The following GCSAM variants were observed in gnomAD, a reference collection of about 807,000 sequenced individuals.
GCSAM encodes germinal center-associated signaling and motility protein.
A neutral mutation model predicts 17.6 loss-of-function variants in GCSAM; 8 were observed. That is an observed-to-expected ratio of 0.46 (90% CI 0.27 to 0.82). The LOEUF is 0.82. Among genes scored for constraint, GCSAM ranks in the 40% least tolerant of loss-of-function variants. The probability of loss-of-function intolerance (pLI) is 0.15; values close to 1 mark genes in which losing one functional copy is unlikely to be tolerated. For synonymous variants in GCSAM, 68 were observed against 69.0 expected (o/e 0.98, Z 0.07); for missense variants, 192 against 213.5 (o/e 0.90, Z 0.63).
Position 112,122,652 on chromosome 3 carries a change from A to C in GCSAM, c.*803T>G, listed in dbSNP as rs1056800879. ...CTATTTAGCATACTGGGGGAGCACT[A>C]AATTGGAAGTCAGTAGGAAATCAGG... On this transcript the variant is annotated 3_prime_UTR_variant, in exon 6 of 6. Coordinates refer to ENST00000308910, the MANE Select transcript of GCSAM (RefSeq NM_152785.5). The C allele has an allele frequency of 6.6e-6, 1 of 152,162 alleles. No individual in the cohort carries two copies. The highest frequency in any genetic ancestry group is 1.5e-5 in the Non-Finnish European group (1 of 68,028). The allele number at this position is 152,162 out of a possible 1,614,324, so 9.4% of individuals were successfully genotyped here.
rs558114039 is a variant in GCSAM at position 112,127,047 on chromosome 3, G to A, written c.144-14C>T. The A allele has an allele frequency of 2.6e-4, 401 of 1,545,062 alleles. 4 individuals are homozygous for A. The South Asian group carries it at 4.5e-3, about 17-fold the overall frequency. On this transcript the variant is annotated splice_polypyrimidine_tract_variant and intron_variant, in intron 3 of 5. Transcript: ENST00000308910. ...AGTATTTTTTTCCTGTAAAAGAAAA[G>A]CAAAGCAAATTGTTTTAATATTCAG...
At position 112,123,250 on chromosome 3, in the gene GCSAM, G is replaced by T. The variant is rs1007318282; in HGVS notation, c.*205C>A. On this transcript the variant is annotated 3_prime_UTR_variant, in exon 6 of 6. Coordinates refer to ENST00000308910, the MANE Select transcript of GCSAM (RefSeq NM_152785.5). ...AAGATGGTTACCTCTTTCTCAAATG[G>T]TGTTGTTCAGGATAAATGGTTGATC... 1 of 902,652 alleles carries T rather than the reference G, an allele frequency of 1.1e-6. No homozygotes were observed. The highest frequency in any genetic ancestry group is 1.6e-6 in the Non-Finnish European group (1 of 617,648). The allele number at this position is 902,652 out of a possible 1,614,324, so 55.9% of individuals were successfully genotyped here. A position where few individuals can be genotyped will look rare whatever the true frequency, so the allele number is the denominator to read the frequency against.
chr3:112,130,248 C>T (rs1055175139), intron 2 of GCSAM, 197 bp downstream of exon 2: 1 of 598,482 alleles, frequency 1.7e-6, no homozygotes, highest in African/African-American at 1.8e-5. Flanking sequence ...TTACATTAGG[C>T]TTCTAGCAAA....
rs1303829223 is a variant in GCSAM, at chr3:112,125,201, A to G, written c.219+25T>C. 2.0e-6 allele frequency: 3 copies of G among 1,500,356 alleles called. No individual in the cohort carries two copies. In the East Asian group the frequency reaches 6.8e-5, roughly 34 times the overall value. The allele number at this position is 1,500,356 out of a possible 1,614,324, so 92.9% of individuals were successfully genotyped here. Reference sequence around the variant, plus strand: ...CTGTACTTCTATCATCATCTCAAAAAATAGCTTAGAGATGTTCTTATTACC... The same window carrying G: ...CTGTACTTCTATCATCATCTCAAAAGATAGCTTAGAGATGTTCTTATTACC... On this transcript the variant is annotated intron_variant, in intron 5 of 5. Transcript: ENST00000308910.
In GCSAM at chr3:112,127,868, A is replaced by T. The variant is rs538586565; in HGVS notation, c.143+149T>A. On this transcript the variant is annotated intron_variant, in intron 3 of 5. Transcript: ENST00000308910. ...TCCTGTTTCTCATCAAATTGGAAGGATTGCTTCCCTGATTAACTCTTAGGT... is the reference window on the plus strand; with the variant it reads ...TCCTGTTTCTCATCAAATTGGAAGGTTTGCTTCCCTGATTAACTCTTAGGT... 4 of 652,286 alleles carry T rather than the reference A, an allele frequency of 6.1e-6. No individual in the cohort carries two copies. In the South Asian group the frequency reaches 7.5e-5, roughly 12 times the overall value. The allele number at this position is 652,286 out of a possible 1,614,324, so 40.4% of individuals were successfully genotyped here. A position where few individuals can be genotyped will look rare whatever the true frequency, so the allele number is the denominator to read the frequency against.
chr3:112,124,728 G>A (rs535148998), intron 5 of GCSAM, among the ~76,000 whole-genome samples: 1 of 152,282 alleles, frequency 6.6e-6, no homozygotes, highest in African/African-American at 2.4e-5. Flanking sequence ...TCAAGGGAAG[G>A]TTTCACTTAT....
In GCSAM at chr3:112,127,020, T is replaced by C. The variant is rs780253672; in HGVS notation, c.157A>G (p.Ile53Val). The C allele has an allele frequency of 6.3e-7, 1 of 1,586,694 alleles. No homozygotes were observed. Among genetic ancestry groups the C allele is most frequent in the African/African-American group, 1.3e-5 (1 of 74,376 alleles). ...TGGGAATCTTGCCTCTTTTCAAAAA[T>C]GAGTATTTTTTTCCTGTAAAAGAAA... The part of the protein sequence containing the change: ...CFCLPWKKIL[I>V]FEKRQDSQNE... Residue 53 changes from isoleucine to valine, a missense_variant, in exon 4 of 6, where the codon ATT (isoleucine) becomes GTT (valine). Coordinates refer to ENST00000308910, the MANE Select transcript of GCSAM (RefSeq NM_152785.5).
chr3:112,127,075 A>G lies in GCSAM; in HGVS notation c.144-42T>C, dbSNP rs770497022. 3.1e-6 allele frequency: 4 copies of G among 1,299,554 alleles called. No homozygotes were observed. In the South Asian group the frequency reaches 3.7e-5, roughly 12 times the overall value. 80.5% of individuals were successfully genotyped at this position (1,299,554 alleles called of 1,614,324 possible). A position where few individuals can be genotyped will look rare whatever the true frequency, so the allele number is the denominator to read the frequency against. ...AAGCAAATTGTTTTAATATTCAGAA[A>G]CTCTCAAAGGAAATGACACAAGCCT... On this transcript the variant is annotated intron_variant, in intron 3 of 5. Transcript: ENST00000308910.
chr3:112,128,583 G>T (rs2074382644), intron 2 of GCSAM: 1 of 228,608 alleles, frequency 4.4e-6, no homozygotes, highest in Non-Finnish European at 8.8e-6. Context: ...TGTATTTCCA[G>T]TCTATGACAC....
At position 112,123,387 on chromosome 3, in the gene GCSAM, C is replaced by T. The variant is rs1301852651; in HGVS notation, c.*68G>A. On this transcript the variant is annotated 3_prime_UTR_variant, in exon 6 of 6. Transcript: ENST00000308910. ...GGAGGGACTTTGTGTCCCATCCCTG[C>T]TTCAGGCAGATCCCCCATCCCACCT... 5.1e-6 allele frequency: 8 copies of T among 1,567,318 alleles called. No individual in the cohort carries two copies. The highest frequency in any genetic ancestry group is 1.4e-5 in the African/African-American group (1 of 73,902).
In GCSAM at chr3:112,123,307, C is replaced by T; in HGVS notation, c.*148G>A. ...TTTTGGCTTTTGCGTGCTAAGAGGG[C>T]TTGTGGTATACAAACCATGCTCTGC... is the stretch of plus-strand genomic sequence containing the variant. On this transcript the variant is annotated 3_prime_UTR_variant, in exon 6 of 6. Transcript: ENST00000308910. 6 of 1,418,592 alleles carry T rather than the reference C, an allele frequency of 4.2e-6. No individual in the cohort carries two copies. The highest frequency in any genetic ancestry group is 5.6e-6 in the Non-Finnish European group (6 of 1,073,244). 87.9% of individuals were successfully genotyped at this position (1,418,592 alleles called of 1,614,324 possible).
rs779303098 is a variant in GCSAM, at chr3:112,128,042, C to T, written c.118G>A (p.Ala40Thr). ...CATGGAAGGCAGAAACACCCTTCAG[C>T]GATATGGTGATCCCAGCATCTAAAA... Reference protein sequence around the residue: ...RTSRCWDHHIAEGCFCLPWKK... With the variant: ...RTSRCWDHHITEGCFCLPWKK... Residue 40 changes from alanine (A) to threonine (T), a missense_variant, in exon 3 of 6, where the codon GCT (alanine) becomes ACT (threonine). Physicochemically the swap from Ala to Thr is moderately conservative, Grantham distance 58 (BLOSUM62 0). Transcript: ENST00000308910. 29 of 1,613,614 alleles carry T rather than the reference C, an allele frequency of 1.8e-5. No individual in the cohort carries two copies. The highest frequency in any genetic ancestry group is 4.5e-5 in the East Asian group (2 of 44,842).
At chr3:112,124,496 C>G (rs1009734911) in intron 5 of GCSAM, among the ~76,000 whole-genome samples, 3 of 152,126 alleles carry the variant, frequency 2.0e-5, no homozygotes, top group African/African-American at 7.2e-5. Flanking sequence ...GCAATCCCAG[C>G]TACTGGGGAG....
intron 2 of GCSAM, 179 bp downstream of exon 2, chr3:112,130,266 A>C: frequency 1.6e-6 from 1 of 617,510 alleles, no homozygotes; most frequent in Non-Finnish European, 2.9e-6. Flanking sequence ...AAAGTAGCAT[A>C]TCTCCTGTCC....
At position 112,123,775 on chromosome 3, in the gene GCSAM, G is replaced by C; in HGVS notation, c.220-3C>G. 1.9e-6 allele frequency: 3 copies of C among 1,603,636 alleles called. No individual in the cohort carries two copies. Among genetic ancestry groups the C allele is most frequent in the Non-Finnish European group, 2.6e-6 (3 of 1,173,518 alleles). On this transcript the variant is annotated splice_region_variant and splice_polypyrimidine_tract_variant and intron_variant, in intron 5 of 5. Transcript: ENST00000308910. ...GAGTAGGTCTGGTCAACATTGTCCTGCTTGTCAAAGAAGAACCATCATCAA... is the reference window on the plus strand; with the variant it reads ...GAGTAGGTCTGGTCAACATTGTCCTCCTTGTCAAAGAAGAACCATCATCAA...
At chr3:112,132,605 G>A (rs2074483845) in intron 1 of GCSAM, 2 of 972,330 alleles carry the variant, frequency 2.1e-6, no homozygotes, top group Non-Finnish European at 2.4e-6. Flanking sequence ...TCTGAGTTCT[G>A]TGCCTATTTA....
Position 112,123,050 on chromosome 3 carries a change from C to T in GCSAM, c.*405G>A, listed in dbSNP as rs1455834094. The T allele has an allele frequency of 4.8e-6, 1 of 208,710 alleles. No individual in the cohort carries two copies. The allele number at this position is 208,710 out of a possible 1,614,324, so 12.9% of individuals were successfully genotyped here. The stretch of plus-strand genomic sequence containing the variant: ...AGGTCACAGTAATGAGTGAACTCCC[C>T]CTTGGGCACACTTAGTATGATGAGT... On this transcript the variant is annotated 3_prime_UTR_variant, in exon 6 of 6. Transcript: ENST00000308910.
At position 112,121,736 on chromosome 3, in the gene GCSAM, C is replaced by G. The variant is rs2074204431; in HGVS notation, c.*1719G>C. 1 of 152,202 alleles carries G rather than the reference C, an allele frequency of 6.6e-6. No individual in the cohort carries two copies. The highest frequency in any genetic ancestry group is 2.1e-4 in the South Asian group (1 of 4,826). The allele number at this position is 152,202 out of a possible 1,614,324, so 9.4% of individuals were successfully genotyped here. ...TACCAAGATGCAGCTGGCTCTTTAGCTGAAGACCATCACCTGGCTGAAGGC... is the reference window on the plus strand; with the variant it reads ...TACCAAGATGCAGCTGGCTCTTTAGGTGAAGACCATCACCTGGCTGAAGGC... On this transcript the variant is annotated 3_prime_UTR_variant, in exon 6 of 6. Coordinates refer to ENST00000308910, the MANE Select transcript of GCSAM (RefSeq NM_152785.5).
At position 112,123,686 on chromosome 3, in the gene GCSAM, A is replaced by G. The variant is rs1288009589; in HGVS notation, c.306T>C (p.Ser102=). ...RVLCTRPSGN[S]AEEYYENVPC... The stretch of plus-strand genomic sequence containing the variant: ...GAACATTCTCATAGTACTCTTCAGC[A>G]GAGTTCCCTGATGGCCTTGTACAGA... The change falls in exon 6 of 6, where the codon TCT becomes TCC. Residue 102 remains serine, a synonymous_variant. Transcript: ENST00000308910. 2 of 1,614,178 alleles carry G rather than the reference A, an allele frequency of 1.2e-6. No individual in the cohort carries two copies. The highest frequency in any genetic ancestry group is 1.7e-6 in the Non-Finnish European group (2 of 1,180,006).
Sources: allele counts gnomAD v4.1 joint callset (sites outside exome capture counted in the v4.1 genomes callset), GRCh38; gene constraint gnomAD v4.1.1; transcripts MANE v1.5; gene names NCBI Gene and HGNC (gene_info 2026-07-23, HGNC 2026-07-21).